Variants in HS6ST3 observed in about 807,000 individuals in gnomAD.
HS6ST3 encodes the protein heparan sulfate 6-O-sulfotransferase 3, also known as heparan-sulfate 6-O-sulfotransferase 3.
Under a neutral mutation model 36.7 loss-of-function variants are expected in HS6ST3, and 12 were observed. The observed-to-expected ratio is 0.33, with a 90% CI of 0.21 to 0.53. HS6ST3 has a LOEUF of 0.53. Among genes scored for constraint, HS6ST3 ranks in the 20% least tolerant of loss-of-function variants. The probability of loss-of-function intolerance (pLI) is 0.95; values close to 1 mark genes in which losing one functional copy is unlikely to be tolerated. For synonymous variants in HS6ST3, 240 were observed against 257.5 expected (o/e 0.93, Z 0.65); for missense variants, 584 against 640.9 (o/e 0.91, Z 0.96).
intron 1 of HS6ST3, among the ~76,000 whole-genome samples, chr13:96,296,033 C>T (rs1316837051): frequency 6.6e-6 from 1 of 152,032 alleles, no homozygotes; most frequent in Non-Finnish European, 1.5e-5. Flanking sequence ...AGCCACTAGC[C>T]ATATATACTA....
At chr13:96,231,050 A>G (rs1292113791) in intron 1 of HS6ST3, among the ~76,000 whole-genome samples, 1 of 152,086 alleles carries the variant, frequency 6.6e-6, no homozygotes, top group Non-Finnish European at 1.5e-5. Context: ...TAAGGTGGAA[A>G]GAGAGGTATG....
At chr13:96,343,264 C>A (rs139560711) in intron 1 of HS6ST3, among the ~76,000 whole-genome samples, 1 of 152,138 alleles carries the variant, frequency 6.6e-6, no homozygotes, top group African/African-American at 2.4e-5. Context: ...GTCAGAAGTC[C>A]AACACTTGCC....
At chr13:96,549,833 C>T (rs891729784) in intron 1 of HS6ST3, among the ~76,000 whole-genome samples, 2 of 152,016 alleles carry the variant, frequency 1.3e-5, no homozygotes, top group African/African-American at 2.4e-5. Context: ...CCTGCCCACC[C>T]GAGACACCTT....
chr13:96,135,346 C>T (rs943398407), intron 1 of HS6ST3, among the ~76,000 whole-genome samples: 8 of 152,120 alleles, frequency 5.3e-5, no homozygotes, highest in African/African-American at 1.4e-4. Context: ...CTCTACTGCT[C>T]TCTGTTATGG....
chr13:96,131,136 G>A (rs1222447899), intron 1 of HS6ST3, among the ~76,000 whole-genome samples: 8 of 152,134 alleles, frequency 5.3e-5, no homozygotes, highest in Non-Finnish European at 1.0e-4. Flanking sequence ...AAACTGCCTT[G>A]AAATCCTTTG....
chr13:96,163,130 G>A (rs1566896888), intron 1 of HS6ST3, among the ~76,000 whole-genome samples: 1 of 151,602 alleles, frequency 6.6e-6, no homozygotes, highest in Non-Finnish European at 1.5e-5. Flanking sequence ...TGTATGTGGA[G>A]TAACATGCTG....
chr13:96,369,177 AGAAC>A (rs901809660), intron 1 of HS6ST3, among the ~76,000 whole-genome samples: 17 of 152,116 alleles, frequency 1.1e-4, no homozygotes, highest in African/African-American at 4.1e-4. Flanking sequence ...CCCTTCCTCT[AGAAC>A]AAGAACCAAA....
chr13:96,616,906 A>G (rs1291248637), intron 1 of HS6ST3, among the ~76,000 whole-genome samples: 5 of 152,214 alleles, frequency 3.3e-5, no homozygotes, highest in Non-Finnish European at 7.3e-5. Flanking sequence ...AAGGACACAA[A>G]CACACAAGAT....
At chr13:96,535,505 C>T (rs1046702785) in intron 1 of HS6ST3, among the ~76,000 whole-genome samples, 2 of 150,174 alleles carry the variant, frequency 1.3e-5, no homozygotes, top group African/African-American at 4.9e-5. Flanking sequence ...TTGCAGTGAG[C>T]CGAGATCTCA....
chr13:96,096,851 A>G (rs147984814), intron 1 of HS6ST3, among the ~76,000 whole-genome samples: 2 of 152,322 alleles, frequency 1.3e-5, no homozygotes, highest in East Asian at 1.9e-4. Flanking sequence ...ACTGCTTTCT[A>G]AAGCATAAGC....
rs183260653 is a variant in HS6ST3 at position 96,808,180 on chromosome 13, C to T, written c.708-24310C>T. On this transcript the variant is annotated intron_variant, in intron 1 of 1. Transcript: ENST00000376705. Reference sequence around the variant, plus strand: ...AAAAACAGTAGAGAATGTATTTGAGCCCAGCCTTTAGTATGGATAAGATAT... The same window carrying T: ...AAAAACAGTAGAGAATGTATTTGAGTCCAGCCTTTAGTATGGATAAGATAT... Among the ~76,000 whole-genome samples the T allele has an allele frequency of 5.9e-5, 9 of 152,282 alleles. No homozygotes were observed. In the East Asian group the frequency reaches 1.5e-3, roughly 26 times the overall value.
intron 1 of HS6ST3, among the ~76,000 whole-genome samples, chr13:96,368,524 A>G (rs1287667938): frequency 4.0e-5 from 6 of 151,824 alleles, no homozygotes; most frequent in South Asian, 4.2e-4. Flanking sequence ...AAAAAAAAAC[A>G]TAATTTTCTT....
intron 1 of HS6ST3, among the ~76,000 whole-genome samples, chr13:96,306,106 C>CT (rs5805960): frequency 0.47 from 61,831 of 130,182 alleles, 14,788 homozygotes; most frequent in African/African-American, 0.57. Flanking sequence ...TTTTCTTTTT[C>CT]TTTTTTTTTT....
At chr13:96,630,651 A>G (rs1485859629) in intron 1 of HS6ST3, among the ~76,000 whole-genome samples, 2 of 151,840 alleles carry the variant, frequency 1.3e-5, no homozygotes, top group East Asian at 1.9e-4. Flanking sequence ...ACCCAAATAG[A>G]GAGTCAGGGT....
At chr13:96,287,148 A>G (rs2054807708) in intron 1 of HS6ST3, among the ~76,000 whole-genome samples, 1 of 152,128 alleles carries the variant, frequency 6.6e-6, no homozygotes, top group South Asian at 2.1e-4. Flanking sequence ...CTAATTCTCA[A>G]TGTTTTTTCA....
chr13:96,136,013 T>C (rs939869110), intron 1 of HS6ST3, among the ~76,000 whole-genome samples: 18 of 152,154 alleles, frequency 1.2e-4, no homozygotes. Flanking sequence ...GGAATGAATC[T>C]TCTGATTGGC....
intron 1 of HS6ST3, among the ~76,000 whole-genome samples, chr13:96,136,367 C>A (rs2054001432): frequency 6.6e-6 from 1 of 152,058 alleles, no homozygotes; most frequent in African/African-American, 2.4e-5. Flanking sequence ...TCTGGGGAGG[C>A]CTCAGGGAGC....
intron 1 of HS6ST3, among the ~76,000 whole-genome samples, chr13:96,538,499 A>G (rs928888986): frequency 2.0e-5 from 3 of 152,328 alleles, no homozygotes; most frequent in Admixed American, 2.0e-4. Flanking sequence ...GCTGGAGTGC[A>G]GTGGCACGAT....
intron 1 of HS6ST3, among the ~76,000 whole-genome samples, chr13:96,335,178 C>T (rs887078867): frequency 6.6e-6 from 1 of 152,058 alleles, no homozygotes; most frequent in Non-Finnish European, 1.5e-5. Context: ...CATCAAAGTC[C>T]ATCCCCAGAA....
Sources: allele counts gnomAD v4.1 joint callset (sites outside exome capture counted in the v4.1 genomes callset), GRCh38; gene constraint gnomAD v4.1.1; transcripts MANE v1.5; gene names NCBI Gene and HGNC (gene_info 2026-07-23, HGNC 2026-07-21).